Variants in MAOB observed in about 807,000 individuals in gnomAD.
MAOB encodes monoamine oxidase B, also known as amine oxidase [flavin-containing] B.
In MAOB, 15 loss-of-function variants were observed where a neutral mutation model predicts 41.9. That is an observed-to-expected ratio of 0.36 (90% CI 0.24 to 0.55). The LOEUF (loss-of-function observed/expected upper bound fraction) is 0.55. MAOB is among the 20% of genes least tolerant of loss of function. MAOB has a pLI of 0.86. For synonymous variants in MAOB, 167 were observed against 144.2 expected (o/e 1.16, Z -1.13); for missense variants, 345 against 398.7 (o/e 0.87, Z 1.15).
chrX:43,766,889 A>G lies in MAOB; in HGVS notation c.*577T>C, dbSNP rs3027439. 6,523 of 111,613 alleles carry G rather than the reference A, an allele frequency of 0.058. 345 individuals are homozygous for G. Among genetic ancestry groups the G allele is most frequent in the South Asian group, 0.18 (471 of 2,630 alleles). The allele number at this position is 111,613 out of a possible 1,213,427, so 9.2% of individuals were successfully genotyped here. On this transcript the variant is annotated 3_prime_UTR_variant, in exon 15 of 15. Transcript: ENST00000378069. ...GAGGATAATTGGGGAAAACATCCAA[A>G]GAGGTGGGAAAAGCGTTGGATTTGT...
At chrX:43,783,027 C>A (rs2034354679) in intron 8 of MAOB, among the ~76,000 whole-genome samples, 1 of 111,775 alleles carries the variant, frequency 8.9e-6, no homozygotes, top group South Asian at 3.8e-4. Flanking sequence ...AAACCCACAG[C>A]CAATATCATA....
chrX:43,778,248 T>G lies in MAOB; in HGVS notation c.1137+434A>C, dbSNP rs777978955. Among the ~76,000 whole-genome samples, 14 of 110,905 alleles carry G rather than the reference T, an allele frequency of 1.3e-4. No individual in the cohort carries two copies. In the East Asian group the frequency reaches 3.7e-3, roughly 29 times the overall value. ...GGGGGATGGGGTAGGTATAGGTTTA[T>G]GTACCTGAGTGAGACTCTGTCCTTC... On this transcript the variant is annotated intron_variant, in intron 11 of 14. Transcript: ENST00000378069.
At chrX:43,831,626 A>T (rs761740031) in intron 3 of MAOB, among the ~76,000 whole-genome samples, 2 of 111,391 alleles carry the variant, frequency 1.8e-5, no homozygotes, top group South Asian at 7.7e-4. Flanking sequence ...CAAAGAGAAA[A>T]TAAAAAATAT....
At chrX:43,767,648 C>T (rs942360662) in intron 14 of MAOB, 30 bp from the exon 15 acceptor site, 1 of 1,172,788 alleles carries the variant, frequency 8.5e-7, no homozygotes, top group African/African-American at 1.8e-5. Context: ...GGTATTAGTA[C>T]AGGGCTTGTG....
intron 1 of MAOB, among the ~76,000 whole-genome samples, chrX:43,877,342 ACACATGGGGG>A (rs1220012167): frequency 3.7e-4 from 41 of 110,404 alleles, no homozygotes; most frequent in Admixed American, 2.2e-3. Context: ...ACTTCTGAGG[ACACATGGGGG>A]CCTAGAAATT....
At position 43,852,247 on chromosome X, in the gene MAOB, C is replaced by T. The variant is rs193278454; in HGVS notation, c.47-8483G>A. Among the ~76,000 whole-genome samples the T allele has an allele frequency of 5.4e-5, 6 of 112,051 alleles. No homozygotes were observed. In the East Asian group the frequency reaches 1.7e-3, roughly 31 times the overall value. ...TACAGAGGTAGTATCTTTATGACCC[C>T]AAAGCATCTAGCCCAAAGTCTGCCC... On this transcript the variant is annotated intron_variant, in intron 1 of 14. Transcript: ENST00000378069.
chrX:43,790,528 A>T (rs960122905), intron 8 of MAOB, among the ~76,000 whole-genome samples: 2 of 112,001 alleles, frequency 1.8e-5, no homozygotes, highest in African/African-American at 6.5e-5. Context: ...AATACATTAA[A>T]GTTGTAACTC....
chrX:43,802,294 G>A (rs1171667660), intron 4 of MAOB, 31 bp from the exon 5 acceptor site: 1 of 942,593 alleles, frequency 1.1e-6, no homozygotes, highest in Non-Finnish European at 1.5e-6. Flanking sequence ...GAAGGAGAAA[G>A]ACAAATGTAA....
intron 8 of MAOB, among the ~76,000 whole-genome samples, chrX:43,792,749 C>T (rs150138829): frequency 7.2e-5 from 8 of 111,625 alleles, no homozygotes; most frequent in Non-Finnish European, 1.5e-4. Context: ...ATTAGTTAAG[C>T]CACTGTGAAA....
At chrX:43,845,430 C>A (rs763769788) in intron 1 of MAOB, among the ~76,000 whole-genome samples, 20 of 112,340 alleles carry the variant, frequency 1.8e-4, no homozygotes, top group Admixed American at 1.6e-3. Flanking sequence ...ATACTGGGTT[C>A]TAAGTGTTTT....
intron 12 of MAOB, among the ~76,000 whole-genome samples, chrX:43,774,335 G>A (rs1018308509): frequency 8.9e-6 from 1 of 111,897 alleles, no homozygotes; most frequent in Non-Finnish European, 1.9e-5. Flanking sequence ...GATGTATAAT[G>A]CTGTGAATGC....
chrX:43,791,291 C>T (rs2034459343), intron 8 of MAOB, among the ~76,000 whole-genome samples: 1 of 111,266 alleles, frequency 9.0e-6, no homozygotes, highest in Non-Finnish European at 1.9e-5. Context: ...TTGCCTCCAA[C>T]CTTCTTTCTG....
chrX:43,832,051 C>T lies in MAOB; in HGVS notation c.279+6817G>A, dbSNP rs148585413. 7.1e-3 allele frequency among the ~76,000 whole-genome samples: 793 copies of T among 111,893 alleles called. 5 individuals carry two copies. Among genetic ancestry groups the T allele is most frequent in the South Asian group, 0.033 (87 of 2,655 alleles). ...CAACACCAGTTTCACTAAAGCTGATCCATTCCTGAATTCTTGATTTATCAC... is the reference window on the plus strand; with the variant it reads ...CAACACCAGTTTCACTAAAGCTGATTCATTCCTGAATTCTTGATTTATCAC... On this transcript the variant is annotated intron_variant, in intron 3 of 14. Transcript: ENST00000378069.
At chrX:43,815,466 T>A (rs2034799443) in intron 3 of MAOB, among the ~76,000 whole-genome samples, 1 of 111,621 alleles carries the variant, frequency 9.0e-6, no homozygotes, top group Non-Finnish European at 1.9e-5. Context: ...CCAGGAGAAA[T>A]CTTGGCTCAA....
intron 8 of MAOB, among the ~76,000 whole-genome samples, chrX:43,787,869 T>C (rs1245141530): frequency 8.9e-6 from 1 of 112,388 alleles, no homozygotes; most frequent in Non-Finnish European, 1.9e-5. Flanking sequence ...TACAAAATGA[T>C]ACTTTGTTAA....
intron 2 of MAOB, among the ~76,000 whole-genome samples, chrX:43,843,224 A>G (rs766281320): frequency 9.0e-6 from 1 of 111,447 alleles, no homozygotes; most frequent in Non-Finnish European, 1.9e-5. Context: ...AAATTTAAAA[A>G]TGGGAGAAAG....
At chrX:43,806,979 T>C (rs1159227526) in intron 3 of MAOB, among the ~76,000 whole-genome samples, 1 of 111,736 alleles carries the variant, frequency 8.9e-6, no homozygotes, top group African/African-American at 3.3e-5. Flanking sequence ...ATCTTCTATT[T>C]TCTCTGCCCA....
chrX:43,851,742 T>G (rs1225766440), intron 1 of MAOB, among the ~76,000 whole-genome samples: 1 of 111,503 alleles, frequency 9.0e-6, no homozygotes, highest in Non-Finnish European at 1.9e-5. Context: ...CAGGAAAACA[T>G]CCCCTTTCAC....
At chrX:43,879,832 G>A (rs1212053201) in intron 1 of MAOB, among the ~76,000 whole-genome samples, 1 of 111,693 alleles carries the variant, frequency 9.0e-6, no homozygotes, top group Non-Finnish European at 1.9e-5. Flanking sequence ...GCAACTCTCC[G>A]CAATGAAGTT....
Sources: allele counts gnomAD v4.1 joint callset (sites outside exome capture counted in the v4.1 genomes callset), GRCh38; gene constraint gnomAD v4.1.1; transcripts MANE v1.5; gene names NCBI Gene and HGNC (gene_info 2026-07-23, HGNC 2026-07-21).